Variants in ZFX observed in about 807,000 individuals in gnomAD.
ZFX encodes the protein zinc finger protein X-linked, also known as zinc finger X-chromosomal protein.
For synonymous variants in ZFX, 196 were observed against 226.8 expected (o/e 0.86, Z 1.22); for missense variants, 362 against 628.3 (o/e 0.58, Z 4.53).
chrX:24,150,719 C>T (rs1193368182), intron 1 of ZFX: 1 of 113,184 alleles, frequency 8.8e-6, no homozygotes, highest in East Asian at 2.8e-4. Context: ...GTTATTTTTG[C>T]TTAAGTCAAA....
intron 3 of ZFX, among the ~76,000 whole-genome samples, chrX:24,157,301 T>C (rs956041079): frequency 8.9e-6 from 1 of 112,277 alleles, no homozygotes; most frequent in African/African-American, 3.2e-5. Context: ...AGGATCACTG[T>C]TGACTTATAT....
At chrX:24,186,789 A>G in intron 5 of ZFX, among the ~76,000 whole-genome samples, 1 of 111,582 alleles carries the variant, frequency 9.0e-6, no homozygotes, top group East Asian at 2.8e-4. Context: ...CAGTCTTTGC[A>G]ATCTAGATTT....
At chrX:24,193,037 A>G (rs1460601840) in intron 5 of ZFX, among the ~76,000 whole-genome samples, 1 of 111,324 alleles carries the variant, frequency 9.0e-6, no homozygotes, top group Non-Finnish European at 1.9e-5. Flanking sequence ...TAGTACTTCC[A>G]TGTTATGCCC....
At position 24,211,594 on chromosome X, in the gene ZFX, A is replaced by T; in HGVS notation, c.*218A>T. 1 of 409,232 alleles carries T rather than the reference A, an allele frequency of 2.4e-6. No individual in the cohort carries two copies. Among genetic ancestry groups the T allele is most frequent in the Non-Finnish European group, 4.1e-6 (1 of 243,150 alleles). The allele number at this position is 409,232 out of a possible 1,213,427, so 33.7% of individuals were successfully genotyped here. On this transcript the variant is annotated 3_prime_UTR_variant, in exon 10 of 10. Coordinates refer to ENST00000304543, the MANE Select transcript of ZFX (RefSeq NM_003410.4). ...GTTTAATAAATAGGGAAAACTGGCA[A>T]CATGCTAGTTACTTTTAATAAAGTA...
rs986025656 is a variant in ZFX at position 24,214,696 on chromosome X, C to CATT, written c.*3321_*3323dup. The CATT allele has an allele frequency of 9.2e-6, 1 of 108,496 alleles. No individual in the cohort carries two copies. The highest frequency in any genetic ancestry group is 1.9e-5 in the Non-Finnish European group (1 of 51,454). The allele number at this position is 108,496 out of a possible 1,213,427, so 8.9% of individuals were successfully genotyped here. A position where few individuals can be genotyped will look rare whatever the true frequency, so the allele number is the denominator to read the frequency against. Reference sequence around the variant, plus strand: ...CTTTGATGAGCATGTCCTTGGAATTCATTTTTTCTTTTATCTTCATAAAGG... The same window carrying CATT: ...CTTTGATGAGCATGTCCTTGGAATTCATTATTTTTTCTTTTATCTTCATAAAGG... On this transcript the variant is annotated 3_prime_UTR_variant, in exon 10 of 10. Coordinates refer to ENST00000304543, the MANE Select transcript of ZFX (RefSeq NM_003410.4).
chrX:24,172,589 T>G (rs944556697), intron 3 of ZFX, 126 bp from the exon 4 acceptor site: 4 of 438,529 alleles, frequency 9.1e-6, no homozygotes, highest in Non-Finnish European at 1.5e-5. Flanking sequence ...TTTAGATAAG[T>G]AAGTTTTTGA....
chrX:24,151,034 G>T (rs1601770473), intron 1 of ZFX, among the ~76,000 whole-genome samples: 1 of 112,107 alleles, frequency 8.9e-6, no homozygotes, highest in East Asian at 2.8e-4. Context: ...ACAACTTAGT[G>T]TGGTGCATAT....
chrX:24,196,122 T>C (rs1344412809), intron 5 of ZFX, among the ~76,000 whole-genome samples: 1 of 111,540 alleles, frequency 9.0e-6, no homozygotes, highest in East Asian at 2.8e-4. Context: ...CATCTAAGTT[T>C]ATTTTTTTTG....
Position 24,183,076 on chromosome X carries a change from G to A in ZFX, c.646+3306G>A, listed in dbSNP as rs574017597. Among the ~76,000 whole-genome samples, 135 of 112,516 alleles carry A rather than the reference G, an allele frequency of 1.2e-3. 1 individual carries two copies. The South Asian group carries it at 0.042, about 35-fold the overall frequency. On this transcript the variant is annotated intron_variant, in intron 5 of 9. Coordinates refer to ENST00000304543, the MANE Select transcript of ZFX (RefSeq NM_003410.4). ...TGGAAAGCTGAAGGATAATGGCAAA[G>A]GGTTGAAAAGCTTTAGTCTTTAGGG...
chrX:24,165,441 A>C (rs1002527275), intron 3 of ZFX, among the ~76,000 whole-genome samples: 9 of 112,798 alleles, frequency 8.0e-5, no homozygotes, highest in Non-Finnish European at 1.5e-4. Flanking sequence ...TAATACAAGG[A>C]GACATATTGC....
chrX:24,198,807 A>C (rs1330289542), intron 5 of ZFX, among the ~76,000 whole-genome samples: 1 of 111,407 alleles, frequency 9.0e-6, no homozygotes, highest in Non-Finnish European at 1.9e-5. Flanking sequence ...AGAAGGTAAC[A>C]TTTGAGCAGA....
At chrX:24,199,785 C>T (rs1300713829) in intron 5 of ZFX, among the ~76,000 whole-genome samples, 4 of 109,806 alleles carry the variant, frequency 3.6e-5, no homozygotes, top group African/African-American at 6.6e-5. Flanking sequence ...GGTGTGGTGG[C>T]GCACGCCTAT....
rs1001736719 is a variant in ZFX at position 24,213,909 on chromosome X, A to AT, written c.*2540dup. ...ATAAATGATTGGGTCATTTAACTAT[A>AT]TTTTTTTAAATAAACTGAAAGATAA... On this transcript the variant is annotated 3_prime_UTR_variant, in exon 10 of 10. Transcript: ENST00000304543. The AT allele has an allele frequency of 1.1e-4, 12 of 110,883 alleles. No individual in the cohort carries two copies. The highest frequency in any genetic ancestry group is 1.7e-4 in the Non-Finnish European group (9 of 52,872). The allele number at this position is 110,883 out of a possible 1,213,427, so 9.1% of individuals were successfully genotyped here.
At chrX:24,197,731 A>C (rs772298940) in intron 5 of ZFX, among the ~76,000 whole-genome samples, 6 of 112,397 alleles carry the variant, frequency 5.3e-5, no homozygotes, top group Non-Finnish European at 1.1e-4. Context: ...ACTGTTATTT[A>C]GTGAACTTTA....
chrX:24,179,553 CGTTGGACATGTTGGACATGTTGGACAT>C lies in ZFX; in HGVS notation c.434_460del (p.Gly145_Val153del). Reference sequence around the variant, plus strand: ...CGGGTGATTCTATACATGTGTCTGACGTTGGACATGTTGGACATGTTGGACATGTTGAACATGTGGTTCATGATAGTG... The same window carrying C: ...CGGGTGATTCTATACATGTGTCTGACGTTGAACATGTGGTTCATGATAGTG... On this transcript the variant is annotated inframe_deletion, in exon 5 of 10. Coordinates refer to ENST00000304543, the MANE Select transcript of ZFX (RefSeq NM_003410.4). The C allele has an allele frequency of 2.5e-6, 3 of 1,211,958 alleles. No individual in the cohort carries two copies. The highest frequency in any genetic ancestry group is 3.3e-6 in the Non-Finnish European group (3 of 895,591).
chrX:24,179,442 T>G lies in ZFX; in HGVS notation c.318T>G (p.Val106=). 1.6e-6 allele frequency: 2 copies of G among 1,212,297 alleles called. No homozygotes were observed. The highest frequency in any genetic ancestry group is 2.2e-6 in the Non-Finnish European group (2 of 895,632). ...TGGACTCAGATGTAACTGAAGAAGTTTCTTTAGCACATTGCACAGTCCCAG... is the reference window on the plus strand; with the variant it reads ...TGGACTCAGATGTAACTGAAGAAGTGTCTTTAGCACATTGCACAGTCCCAG... ...QVLDSDVTEE[V]SLAHCTVPDD... The change falls in exon 5 of 10, where the codon GTT becomes GTG. Residue 106 remains valine, a synonymous_variant. Transcript: ENST00000304543.
chrX:24,156,660 C>CTTTTTTTTTTTTTTT lies in ZFX; in HGVS notation c.-29+3841_-29+3842insTTTTTTTTTTTTTTT, dbSNP rs767019753. ...TATACTATCCTGATTTAATAATAGC[C>CTTTTTTTTTTTTTTT]TTTTTTTTTTTGGAGACGGAGTTTT... On this transcript the variant is annotated intron_variant, in intron 3 of 9. Coordinates refer to ENST00000304543, the MANE Select transcript of ZFX (RefSeq NM_003410.4). Among the ~76,000 whole-genome samples, 9 of 83,547 alleles carry CTTTTTTTTTTTTTTT rather than the reference C, an allele frequency of 1.1e-4. 1 individual carries two copies. Among genetic ancestry groups the CTTTTTTTTTTTTTTT allele is most frequent in the Admixed American group, 4.2e-4 (3 of 7,119 alleles). 72.6% of individuals were successfully genotyped at this position (83,547 alleles called of 115,157 possible).
Position 24,213,905 on chromosome X carries a change from CTA to C in ZFX, c.*2533_*2534del, listed in dbSNP as rs1298725553. On this transcript the variant is annotated 3_prime_UTR_variant, in exon 10 of 10. Transcript: ENST00000304543. ...AAATATAAATGATTGGGTCATTTAA[CTA>C]TATTTTTTTAAATAAACTGAAAGAT... is the stretch of plus-strand genomic sequence containing the variant. 2.7e-5 allele frequency: 3 copies of C among 110,539 alleles called. No homozygotes were observed. Among genetic ancestry groups the C allele is most frequent in the Admixed American group, 9.7e-5 (1 of 10,293 alleles). The allele number at this position is 110,539 out of a possible 1,213,427, so 9.1% of individuals were successfully genotyped here. A position where few individuals can be genotyped will look rare whatever the true frequency, so the allele number is the denominator to read the frequency against.
intron 5 of ZFX, among the ~76,000 whole-genome samples, chrX:24,195,205 T>C (rs1409336527): frequency 9.0e-6 from 1 of 111,029 alleles, no homozygotes; most frequent in Admixed American, 9.6e-5. Context: ...CTTTCTTGAT[T>C]TTTTTTTGAG....
Sources: allele counts gnomAD v4.1 joint callset (sites outside exome capture counted in the v4.1 genomes callset), GRCh38; gene constraint gnomAD v4.1.1; transcripts MANE v1.5; gene names NCBI Gene and HGNC (gene_info 2026-07-23, HGNC 2026-07-21).